Variants in PCYT1A observed in about 807,000 individuals in gnomAD.
The protein encoded by PCYT1A is phosphate cytidylyltransferase 1A, choline.
PCYT1A carries 25 observed loss-of-function variants against 43.7 expected under a neutral mutation model. That is an observed-to-expected ratio of 0.57 (90% CI 0.42 to 0.80). The LOEUF is 0.80. PCYT1A is among the 30% of genes least tolerant of loss of function. The pLI is 0.00. For missense variants in PCYT1A, 421 were observed against 474.2 expected (o/e 0.89, Z 1.04); for synonymous variants, 172 against 170.7 (o/e 1.01, Z -0.06).
intron 2 of PCYT1A, among the ~76,000 whole-genome samples, chr3:196,258,947 T>A (rs1481340863): frequency 1.3e-5 from 2 of 152,228 alleles, no homozygotes; most frequent in African/African-American, 2.4e-5. Flanking sequence ...GGCTTTGATA[T>A]CTGGCCTCAC....
At chr3:196,246,982 G>C (rs1356570865) in intron 5 of PCYT1A, among the ~76,000 whole-genome samples, 1 of 151,906 alleles carries the variant, frequency 6.6e-6, no homozygotes, top group South Asian at 2.1e-4. Context: ...GTAACTTGTG[G>C]CGAGTTCAGT....
Position 196,242,817 on chromosome 3 carries a change from G to C in PCYT1A, c.487-177C>G. Reference sequence around the variant, plus strand: ...CTATTCACAAACCACCCAACCTAATGATTTATGGAGTATACATATGAAGTT... The same window carrying C: ...CTATTCACAAACCACCCAACCTAATCATTTATGGAGTATACATATGAAGTT... On this transcript the variant is annotated intron_variant, in intron 5 of 8. Transcript: ENST00000431016. This position sits in a 1 kb window ranked among gnomAD's most constrained non-coding sequence, Gnocchi z 4.2. The C allele has an allele frequency of 1.6e-6, 1 of 619,782 alleles. No homozygotes were observed. The highest frequency in any genetic ancestry group is 2.0e-5 in the South Asian group (1 of 51,174). 38.4% of individuals were successfully genotyped at this position (619,782 alleles called of 1,614,324 possible). A position where few individuals can be genotyped will look rare whatever the true frequency, so the allele number is the denominator to read the frequency against.
chr3:196,242,526 G>GATGCCCTGAACATCTGCAGCTGC lies in PCYT1A; in HGVS notation c.565+35_565+36insGCAGCTGCAGATGTTCAGGGCAT, dbSNP rs765057885. ...ATGGCTGAACATCTGCAGCTGCCCT[G>GATGCCCTGAACATCTGCAGCTGC]AGATCCCCTACAGTGAGGAAGCACA... On this transcript the variant is annotated intron_variant, in intron 6 of 8. Coordinates refer to ENST00000431016, the MANE Select transcript of PCYT1A (RefSeq NM_001312673.2). The surrounding 1 kb of genome is among the most constrained non-coding windows in gnomAD (Gnocchi z 4.2). 2.1e-5 allele frequency: 28 copies of GATGCCCTGAACATCTGCAGCTGC among 1,362,522 alleles called. 1 individual carries two copies. The South Asian group carries it at 2.9e-4, about 14-fold the overall frequency. The allele number at this position is 1,362,522 out of a possible 1,614,324, so 84.4% of individuals were successfully genotyped here.
At chr3:196,283,409 G>A (rs1439222640) in intron 1 of PCYT1A, 1 of 152,012 alleles carries the variant, frequency 6.6e-6, no homozygotes, top group Non-Finnish European at 1.5e-5. Flanking sequence ...CTATTAACCT[G>A]GTTTACGAAT....
chr3:196,241,937 C>T lies in PCYT1A; in HGVS notation c.708+11G>A. 5 of 1,614,132 alleles carry T rather than the reference C, an allele frequency of 3.1e-6. No individual in the cohort carries two copies. Among genetic ancestry groups the T allele is most frequent in the Non-Finnish European group, 4.2e-6 (5 of 1,179,998 alleles). ...AGAGTCAGGGAACTCTGGGGTAAGGCTGGAACTCACGTTGATAAAGCTGAC... is the reference window on the plus strand; with the variant it reads ...AGAGTCAGGGAACTCTGGGGTAAGGTTGGAACTCACGTTGATAAAGCTGAC... On this transcript the variant is annotated intron_variant, in intron 7 of 8. Transcript: ENST00000431016.
chr3:196,252,707 T>C lies in PCYT1A; in HGVS notation c.218-4384A>G, dbSNP rs1047687924. Among the ~76,000 whole-genome samples the C allele has an allele frequency of 2.0e-5, 3 of 152,230 alleles. No homozygotes were observed. The highest frequency in any genetic ancestry group is 1.3e-4 in the Admixed American group (2 of 15,284). ...AGCTTTCTTCCTCTGTAACCTTAACTTCCTTATGCCTCAGTTTTCTCATCT... is the reference window on the plus strand; with the variant it reads ...AGCTTTCTTCCTCTGTAACCTTAACCTCCTTATGCCTCAGTTTTCTCATCT... On this transcript the variant is annotated intron_variant, in intron 3 of 8. Coordinates refer to ENST00000431016, the MANE Select transcript of PCYT1A (RefSeq NM_001312673.2). This position sits in a 1 kb window ranked among gnomAD's most constrained non-coding sequence, Gnocchi z 4.0.
chr3:196,244,383 A>G (rs1279259122), intron 5 of PCYT1A, among the ~76,000 whole-genome samples: 1 of 130,194 alleles, frequency 7.7e-6, no homozygotes, highest in African/African-American at 3.0e-5. Flanking sequence ...CCGGCCGCCC[A>G]TCGTCTGAGA....
rs1282606914 is a variant in PCYT1A, at chr3:196,242,483, C to T, written c.565+79G>A. 1 of 949,272 alleles carries T rather than the reference C, an allele frequency of 1.1e-6. No homozygotes were observed. 58.8% of individuals were successfully genotyped at this position (949,272 alleles called of 1,614,324 possible). On this transcript the variant is annotated intron_variant, in intron 6 of 8. Transcript: ENST00000431016. The surrounding 1 kb of genome is among the most constrained non-coding windows in gnomAD (Gnocchi z 4.2). ...GTTGAATTTCTAATGTACACATTTT[C>T]CTCTGTAAAGCAGCAACATGGCTGA...
intron 1 of PCYT1A, among the ~76,000 whole-genome samples, chr3:196,276,420 A>G (rs1725592413): frequency 6.6e-6 from 1 of 151,982 alleles, no homozygotes; most frequent in African/African-American, 2.4e-5. Context: ...CCTGTGCAAC[A>G]TGGTGAAACT....
intron 2 of PCYT1A, among the ~76,000 whole-genome samples, 165 bp from the exon 3 acceptor site, chr3:196,258,052 C>T (rs1210202558): frequency 1.3e-5 from 2 of 151,826 alleles, no homozygotes; most frequent in East Asian, 1.9e-4. Flanking sequence ...TTTGGGAGGC[C>T]GAGGTGGGTG....
At chr3:196,266,341 C>T (rs1378435444) in intron 2 of PCYT1A, among the ~76,000 whole-genome samples, 9 of 151,632 alleles carry the variant, frequency 5.9e-5, no homozygotes, top group Non-Finnish European at 8.8e-5. Flanking sequence ...GGCTTGGTGG[C>T]GGGCGCCTGT....
At chr3:196,283,210 AC>A (rs1192935412) in intron 1 of PCYT1A, among the ~76,000 whole-genome samples, 3 of 152,096 alleles carry the variant, frequency 2.0e-5, no homozygotes, top group Non-Finnish European at 4.4e-5. Flanking sequence ...GGTGGCGGGC[AC>A]CTGTAATCCC....
At chr3:196,266,932 A>G (rs1725290028) in intron 2 of PCYT1A, among the ~76,000 whole-genome samples, 1 of 151,982 alleles carries the variant, frequency 6.6e-6, no homozygotes, top group Non-Finnish European at 1.5e-5. Flanking sequence ...GTACTTTGGG[A>G]GGCCGAGGCG....
rs139015651 is a variant in PCYT1A, at chr3:196,277,597, G to A, written c.-10-7056C>T. Among the ~76,000 whole-genome samples, 8 of 152,272 alleles carry A rather than the reference G, an allele frequency of 5.3e-5. No individual in the cohort carries two copies. Among genetic ancestry groups the A allele is most frequent in the Non-Finnish European group, 7.3e-5 (5 of 68,030 alleles). On this transcript the variant is annotated intron_variant, in intron 1 of 8. Transcript: ENST00000431016. This position sits in a 1 kb window ranked among gnomAD's most constrained non-coding sequence, Gnocchi z 4.1. Reference sequence around the variant, plus strand: ...TTTAAACTTTTACTCTGGGCTGGGCGCGGTGGCTCATGCCTGTAATCCCAG... The same window carrying A: ...TTTAAACTTTTACTCTGGGCTGGGCACGGTGGCTCATGCCTGTAATCCCAG...
chr3:196,238,610 G>T lies in PCYT1A; in HGVS notation c.*78C>A, dbSNP rs1000040292. 2.0e-6 allele frequency: 2 copies of T among 985,346 alleles called. No individual in the cohort carries two copies. Among genetic ancestry groups the T allele is most frequent in the Middle Eastern group, 2.3e-4 (1 of 4,260 alleles). 61.0% of individuals were successfully genotyped at this position (985,346 alleles called of 1,614,324 possible). On this transcript the variant is annotated 3_prime_UTR_variant, in exon 9 of 9. Coordinates refer to ENST00000431016, the MANE Select transcript of PCYT1A (RefSeq NM_001312673.2). ...AGCTGTCCTTAGGTTTAGTGTTGGGGTCACAATTTGGAATTCAACAGAGAG... is the reference window on the plus strand; with the variant it reads ...AGCTGTCCTTAGGTTTAGTGTTGGGTTCACAATTTGGAATTCAACAGAGAG...
intron 1 of PCYT1A, chr3:196,283,559 A>T (rs902240680): frequency 6.6e-6 from 1 of 152,198 alleles, no homozygotes; most frequent in Non-Finnish European, 1.5e-5. Context: ...AAAAAGGTAC[A>T]TTCCTTGAAT....
At chr3:196,271,076 G>A (rs904304367) in intron 1 of PCYT1A, among the ~76,000 whole-genome samples, 2 of 152,040 alleles carry the variant, frequency 1.3e-5, no homozygotes, top group African/African-American at 4.8e-5. Context: ...CCAGGCTGGG[G>A]TGCAGTGGTA....
In PCYT1A at chr3:196,247,459, G is replaced by A. The variant is rs772473697; in HGVS notation, c.394C>T (p.Arg132Cys). The change falls in exon 5 of 9, where the codon CGC (arginine) becomes TGC (cysteine). Residue 132 changes from arginine (R) to cysteine (C), a missense_variant. Arg to Cys is a radical substitution (Grantham distance 180). This residue lies in a region of PCYT1A where 174 missense variants were observed against 270.7 expected (regional missense o/e 0.64). Transcript: ENST00000431016. This position sits in a 1 kb window ranked among gnomAD's most constrained non-coding sequence, Gnocchi z 4.8. ...KGFTVMNENE[R>C]YDAVQHCRYV... ...CGGCAGTGCTGGACTGCGTCATAGC[G>A]CTCATTCTCGTTCATCACCGTGAAG... is the stretch of plus-strand genomic sequence containing the variant. 2.5e-6 allele frequency: 4 copies of A among 1,614,020 alleles called. No individual in the cohort carries two copies. Among genetic ancestry groups the A allele is most frequent in the African/African-American group, 1.3e-5 (1 of 75,044 alleles).
At chr3:196,263,907 C>T (rs755880219) in intron 2 of PCYT1A, among the ~76,000 whole-genome samples, 3 of 151,566 alleles carry the variant, frequency 2.0e-5, no homozygotes, top group African/African-American at 7.3e-5. Context: ...GTTGGGATTA[C>T]GGGCATGAGC....
Sources: gnomAD v4.1 joint callset for allele counts (sites outside exome capture counted in the v4.1 genomes callset) on GRCh38, gnomAD v4.1.1 for gene constraint, gnomAD v4.1.1 regional missense constraint, Gnocchi (gnomAD v3.1) non-coding constraint, MANE v1.5 for transcripts, NCBI Gene and HGNC (gene_info 2026-07-23, HGNC 2026-07-21) for gene names.